ERO1A: variants seen among roughly 807,000 people sequenced by gnomAD.
The protein encoded by ERO1A is ERO1-like protein alpha.
In ERO1A, 49 loss-of-function variants were observed where a neutral mutation model predicts 76.9. That is an observed-to-expected ratio of 0.64 (90% CI 0.51 to 0.81). The LOEUF (loss-of-function observed/expected upper bound fraction) is 0.81, where lower values mean the gene tolerates loss of function less well. Among genes scored for constraint, ERO1A ranks in the 30% least tolerant of loss-of-function variants. The probability of loss-of-function intolerance (pLI) is 0.00; values close to 1 mark genes in which losing one functional copy is unlikely to be tolerated. For missense variants in ERO1A, 448 were observed against 542.1 expected (o/e 0.83, Z 1.72); for synonymous variants, 174 against 181.2 (o/e 0.96, Z 0.32).
At chr14:52,691,387 C>A (rs2041349246) in intron 1 of ERO1A, among the ~76,000 whole-genome samples, 1 of 152,128 alleles carries the variant, frequency 6.6e-6, no homozygotes, top group Non-Finnish European at 1.5e-5. Context: ...GACTGGCAAC[C>A]ATCAGGAAAA....
At chr14:52,665,099 C>G (rs2040365758) in intron 7 of ERO1A, among the ~76,000 whole-genome samples, 2 of 151,574 alleles carry the variant, frequency 1.3e-5, no homozygotes, top group South Asian at 2.1e-4. Flanking sequence ...GTCAGGAGTT[C>G]AAGAACAGCC....
intron 1 of ERO1A, among the ~76,000 whole-genome samples, chr14:52,690,030 T>C (rs2139790569): frequency 6.6e-6 from 1 of 152,224 alleles, no homozygotes; most frequent in Non-Finnish European, 1.5e-5. Flanking sequence ...GAAAGCACAG[T>C]CTTGTCAATA....
intron 8 of ERO1A, 51 bp downstream of exon 8, chr14:52,663,750 T>A (rs1390323235): frequency 8.8e-7 from 1 of 1,140,994 alleles, no homozygotes; most frequent in Non-Finnish European, 1.3e-6. Flanking sequence ...TTCCTTTGAA[T>A]TAAAGTTCCC....
chr14:52,683,998 A>G (rs2041087903), intron 1 of ERO1A, 91 bp from the exon 2 acceptor site: 2 of 935,496 alleles, frequency 2.1e-6, no homozygotes, highest in South Asian at 4.1e-5. Flanking sequence ...ACAGCCCCCT[A>G]CTCAACCAGT....
intron 7 of ERO1A, among the ~76,000 whole-genome samples, chr14:52,666,031 A>G (rs1397676917): frequency 1.3e-5 from 2 of 152,186 alleles, no homozygotes; most frequent in African/African-American, 2.4e-5. Flanking sequence ...TAAGAGTTGT[A>G]TATTCTTTTC....
intron 1 of ERO1A, among the ~76,000 whole-genome samples, chr14:52,694,121 C>T (rs535160376): frequency 4.0e-5 from 6 of 151,548 alleles, no homozygotes; most frequent in Non-Finnish European, 5.9e-5. Context: ...ATCTTCTTTC[C>T]GTAAAGAATA....
At chr14:52,666,280 G>A in intron 7 of ERO1A, 95 bp downstream of exon 7, 1 of 912,028 alleles carries the variant, frequency 1.1e-6, no homozygotes, top group Non-Finnish European at 1.7e-6. Flanking sequence ...TTAACAAAGT[G>A]AATTTGATTT....
At chr14:52,688,517 C>G (rs2041251820) in intron 1 of ERO1A, among the ~76,000 whole-genome samples, 1 of 152,176 alleles carries the variant, frequency 6.6e-6, no homozygotes. Context: ...ATTGTCAGTA[C>G]ATGTTAATCA....
At chr14:52,665,251 G>C (rs760739564) in intron 7 of ERO1A, among the ~76,000 whole-genome samples, 27 of 140,124 alleles carry the variant, frequency 1.9e-4, no homozygotes, top group Non-Finnish European at 3.2e-4. Context: ...GCGGTAAGCA[G>C]AGATGACGTC....
At chr14:52,694,520 T>C (rs886711157) in intron 1 of ERO1A, among the ~76,000 whole-genome samples, 3 of 152,168 alleles carry the variant, frequency 2.0e-5, no homozygotes, top group African/African-American at 7.2e-5. Context: ...AGGAATAACA[T>C]GGATGCCTAA....
chr14:52,672,658 T>C (rs1444007862), intron 4 of ERO1A, among the ~76,000 whole-genome samples: 1 of 151,456 alleles, frequency 6.6e-6, no homozygotes, highest in African/African-American at 2.4e-5. Context: ...TAATACTAGC[T>C]ACTCAGGAAG....
chr14:52,692,943 T>C (rs1271836427), intron 1 of ERO1A, among the ~76,000 whole-genome samples: 1 of 150,000 alleles, frequency 6.7e-6, no homozygotes, highest in Non-Finnish European at 1.5e-5. Flanking sequence ...CTTCCACTAC[T>C]GGCCCTATTG....
intron 9 of ERO1A, among the ~76,000 whole-genome samples, chr14:52,659,280 G>A (rs899586898): frequency 6.6e-5 from 10 of 151,842 alleles, no homozygotes; most frequent in African/African-American, 2.4e-4. Context: ...TTGGTCTTAC[G>A]GGCAATAAAA....
At position 52,640,305 on chromosome 14, in the gene ERO1A, A is replaced by T. The variant is rs2039430222; in HGVS notation, c.*3265T>A. Reference sequence around the variant, plus strand: ...GGAGCAAAGGAGGTTTCACAGAGGAAATGCTTATGTCAGGCCTGCAAGATG... The same window carrying T: ...GGAGCAAAGGAGGTTTCACAGAGGATATGCTTATGTCAGGCCTGCAAGATG... On this transcript the variant is annotated 3_prime_UTR_variant, in exon 16 of 16. Transcript: ENST00000395686. The T allele has an allele frequency of 6.6e-6, 1 of 152,226 alleles. No individual in the cohort carries two copies. Among genetic ancestry groups the T allele is most frequent in the Admixed American group, 6.5e-5 (1 of 15,282 alleles). 9.4% of individuals were successfully genotyped at this position (152,226 alleles called of 1,614,324 possible).
At chr14:52,679,909 G>A (rs1489092206) in intron 3 of ERO1A, among the ~76,000 whole-genome samples, 2 of 151,738 alleles carry the variant, frequency 1.3e-5, no homozygotes, top group Non-Finnish European at 2.9e-5. Flanking sequence ...AAAATTAGCT[G>A]GGCATGATGT....
At chr14:52,661,740 T>C (rs2040239780) in intron 8 of ERO1A, among the ~76,000 whole-genome samples, 1 of 152,186 alleles carries the variant, frequency 6.6e-6, no homozygotes, top group Non-Finnish European at 1.5e-5. Flanking sequence ...CCTTATAATA[T>C]TTAACCTTAG....
intron 13 of ERO1A, 49 bp from the exon 14 acceptor site, chr14:52,646,510 T>C: frequency 7.0e-7 from 1 of 1,430,020 alleles, no homozygotes; most frequent in Non-Finnish European, 9.7e-7. Flanking sequence ...TACAGTCAAT[T>C]AGTAAGTATT....
intron 4 of ERO1A, among the ~76,000 whole-genome samples, chr14:52,675,686 G>A (rs1469605353): frequency 6.6e-6 from 1 of 152,002 alleles, no homozygotes; most frequent in East Asian, 1.9e-4. Flanking sequence ...CCAGGCTGGA[G>A]TACAGTGGTG....
At chr14:52,678,951 A>T (rs1200271959) in intron 3 of ERO1A, among the ~76,000 whole-genome samples, 1 of 152,202 alleles carries the variant, frequency 6.6e-6, no homozygotes, top group Non-Finnish European at 1.5e-5. Context: ...GTAATGAATT[A>T]ATCTACTGGT....
Sources: gnomAD v4.1 joint callset for allele counts (sites outside exome capture counted in the v4.1 genomes callset) on GRCh38, gnomAD v4.1.1 for gene constraint, MANE v1.5 for transcripts, NCBI Gene and HGNC (gene_info 2026-07-23, HGNC 2026-07-21) for gene names.